IFFO2: variants seen among roughly 807,000 people sequenced by gnomAD.
IFFO2 encodes intermediate filament family orphan 2.
Under a neutral mutation model 53.5 loss-of-function variants are expected in IFFO2, and 19 were observed. The ratio of observed to expected loss-of-function variants is 0.36; its 90% CI spans 0.25 to 0.52. The LOEUF is 0.52. Among genes scored for constraint, IFFO2 ranks in the 20% least tolerant of loss-of-function variants. The probability of loss-of-function intolerance (pLI) is 0.94; values close to 1 mark genes in which losing one functional copy is unlikely to be tolerated. For missense variants in IFFO2, 570 were observed against 727.4 expected (o/e 0.78, Z 2.49); for synonymous variants, 303 against 313.6 (o/e 0.97, Z 0.36).
chr1:18,926,005 TTGGATGGATGGATGGA>T (rs1364132738), intron 1 of IFFO2, among the ~76,000 whole-genome samples: 29 of 23,560 alleles, frequency 1.2e-3, no homozygotes, highest in African/African-American at 4.5e-3. Context: ...GATGGATTGG[TTGGATGGATGGATGGA>T]TGGATGGATG....
intron 1 of IFFO2, among the ~76,000 whole-genome samples, chr1:18,932,316 C>T (rs928942212): frequency 1.9e-4 from 29 of 152,362 alleles, no homozygotes; most frequent in Admixed American, 1.0e-3. Flanking sequence ...AACCTTGTTT[C>T]TCTGGTCTGT....
intron 1 of IFFO2, among the ~76,000 whole-genome samples, chr1:18,948,745 G>A (rs898907419): frequency 3.9e-5 from 6 of 152,198 alleles, no homozygotes; most frequent in African/African-American, 1.4e-4. Flanking sequence ...CAAAGGGCAC[G>A]GGACACCCTC....
chr1:18,912,127 C>T (rs770609043), intron 5 of IFFO2, 44 bp from the exon 6 acceptor site: 18 of 1,550,300 alleles, frequency 1.2e-5, no homozygotes, highest in Non-Finnish European at 1.4e-5. Context: ...AGAAGGCAGG[C>T]TCCAGGGACC....
rs1569840073 is a variant in IFFO2, at chr1:18,919,267, G to A, written c.822+411C>T. On this transcript the variant is annotated intron_variant, in intron 3 of 8. Coordinates refer to ENST00000455833, the MANE Select transcript of IFFO2 (RefSeq NM_001136265.2). The surrounding 1 kb of genome is among the most constrained non-coding windows in gnomAD (Gnocchi z 4.9). ...ACCTCATGGAGCAACCCTGCCAAAG[G>A]CCGCTGGGCCTGCGAGTCTCTCAGG... is the stretch of plus-strand genomic sequence containing the variant. 6.6e-6 allele frequency among the ~76,000 whole-genome samples: 1 copy of A among 152,176 alleles called. No homozygotes were observed. Among genetic ancestry groups the A allele is most frequent in the Non-Finnish European group, 1.5e-5 (1 of 68,032 alleles).
chr1:18,912,087 T>C lies in IFFO2; in HGVS notation c.1104-4A>G, dbSNP rs1481116672. 2 of 1,551,470 alleles carry C rather than the reference T, an allele frequency of 1.3e-6. No homozygotes were observed. The highest frequency in any genetic ancestry group is 1.7e-6 in the Non-Finnish European group (2 of 1,146,840). ...GTCAAAGTCAAAGGTCTCCCGCCTG[T>C]GGGGGTGACACCAGAGGGCATGACT... is the stretch of plus-strand genomic sequence containing the variant. On this transcript the variant is annotated splice_polypyrimidine_tract_variant and splice_region_variant and intron_variant, in intron 5 of 8. Transcript: ENST00000455833.
At chr1:18,921,855 C>T (rs6674201) in intron 1 of IFFO2, among the ~76,000 whole-genome samples, 49,353 of 151,832 alleles carry the variant, frequency 0.33, 10,574 homozygotes, top group African/African-American at 0.61. Flanking sequence ...ATAGGAAACG[C>T]GGGCGGGAGG....
chr1:18,935,071 G>C (rs1283717989), intron 1 of IFFO2, among the ~76,000 whole-genome samples: 3 of 152,314 alleles, frequency 2.0e-5, no homozygotes, highest in Middle Eastern at 3.4e-3. Context: ...CTCTACCACA[G>C]GCTCCCAGTT....
chr1:18,941,840 C>T (rs767199512), intron 1 of IFFO2, among the ~76,000 whole-genome samples: 2 of 152,282 alleles, frequency 1.3e-5, no homozygotes, highest in East Asian at 1.9e-4. Context: ...CCCAGGGAGG[C>T]GGGGACAGGG....
chr1:18,911,690 C>T (rs568011693), intron 6 of IFFO2, among the ~76,000 whole-genome samples: 3 of 152,210 alleles, frequency 2.0e-5, no homozygotes, highest in South Asian at 4.1e-4. Context: ...AGGTGCCCAC[C>T]ACCAGGCCTG....
chr1:18,914,083 G>A (rs1028850012), intron 5 of IFFO2, among the ~76,000 whole-genome samples: 19 of 152,084 alleles, frequency 1.2e-4, no homozygotes, highest in East Asian at 3.9e-4. Flanking sequence ...CGCCTGCCTC[G>A]GCCTCCCAAA....
chr1:18,922,048 C>T (rs1482451659), intron 1 of IFFO2, among the ~76,000 whole-genome samples: 1 of 152,106 alleles, frequency 6.6e-6, no homozygotes, highest in South Asian at 2.1e-4. Context: ...ACGTAGGCAC[C>T]GTCATTATCC....
At position 18,910,434 on chromosome 1, in the gene IFFO2, G is replaced by A. The variant is rs1203131180; in HGVS notation, c.1356C>T (p.His452=). The change falls in exon 8 of 9, where the codon CAC becomes CAT. Residue 452 remains histidine (H), a synonymous_variant. Transcript: ENST00000455833. ...TGCACATCTCCATGTACTCGTGCAG[G>A]TGTCGGTTCATGTCACTTTTGGCTG... ...LATAKSDMNR[H]LHEYMEMCSM... The A allele has an allele frequency of 1.2e-6, 2 of 1,613,986 alleles. No individual in the cohort carries two copies. Among genetic ancestry groups the A allele is most frequent in the Non-Finnish European group, 8.5e-7 (1 of 1,179,934 alleles).
In IFFO2 at chr1:18,947,353, C is replaced by T. The variant is rs1488516019; in HGVS notation, c.665+8315G>A. ...CTGTGCCCTGAGGACACTCAGGGGC[C>T]GGGCAAGATAAATGGAGCATTAATT... is the stretch of plus-strand genomic sequence containing the variant. On this transcript the variant is annotated intron_variant, in intron 1 of 8. Transcript: ENST00000455833. The surrounding 1 kb of genome is among the most constrained non-coding windows in gnomAD (Gnocchi z 5.0). 2.0e-5 allele frequency among the ~76,000 whole-genome samples: 3 copies of T among 152,158 alleles called. No individual in the cohort carries two copies. The highest frequency in any genetic ancestry group is 7.2e-5 in the African/African-American group (3 of 41,430).
chr1:18,908,597 G>A lies in IFFO2; in HGVS notation c.1518C>T (p.Phe506=). 4 of 1,551,696 alleles carry A rather than the reference G, an allele frequency of 2.6e-6. No individual in the cohort carries two copies. The highest frequency in any genetic ancestry group is 1.2e-5 in the South Asian group (1 of 84,042). The change falls in exon 9 of 9, where the codon TTC becomes TTT. Residue 506 remains phenylalanine, a synonymous_variant. Transcript: ENST00000455833. ...TGGGCTCCACATCCGCCTCGCGCTC[G>A]AACTCATCCTGGATCTCATCTGTAC... ...SGSTDEIQDE[F]EREADVEPMV...
chr1:18,904,470 A>G lies in IFFO2; in HGVS notation c.*4091T>C, dbSNP rs1935916387. 6.6e-6 allele frequency: 1 copy of G among 152,126 alleles called. No homozygotes were observed. Among genetic ancestry groups the G allele is most frequent in the Non-Finnish European group, 1.5e-5 (1 of 68,022 alleles). 9.4% of individuals were successfully genotyped at this position (152,126 alleles called of 1,614,324 possible). The stretch of plus-strand genomic sequence containing the variant: ...ACAACAGCAACGGTGGGGCAGGATC[A>G]TGGGGTATAAAGTCTCCCTGGGTGG... On this transcript the variant is annotated 3_prime_UTR_variant, in exon 9 of 9. Transcript: ENST00000455833.
At chr1:18,915,557 C>T (rs1052020355) in intron 5 of IFFO2, among the ~76,000 whole-genome samples, 1 of 152,082 alleles carries the variant, frequency 6.6e-6, no homozygotes. Context: ...AGCGTACTAG[C>T]GTGGGAGGCA....
chr1:18,938,418 C>T (rs1176915918), intron 1 of IFFO2, among the ~76,000 whole-genome samples: 1 of 152,216 alleles, frequency 6.6e-6, no homozygotes, highest in South Asian at 2.1e-4. Flanking sequence ...CACCATGCTT[C>T]CCCTTAGAGG....
At chr1:18,937,757 G>A (rs1023463853) in intron 1 of IFFO2, among the ~76,000 whole-genome samples, 5 of 152,222 alleles carry the variant, frequency 3.3e-5, no homozygotes, top group African/African-American at 1.2e-4. Flanking sequence ...CCAACGGCCT[G>A]GCCCAGCCGC....
rs80242927 is a variant in IFFO2, at chr1:18,924,734, A to C, written c.666-3613T>G. On this transcript the variant is annotated intron_variant, in intron 1 of 8. Transcript: ENST00000455833. ...AGATCACTTTTGGGGCACAAAGGCC[A>C]TTTTCCTCGAGTCTCCCTCAGCAGT... Among the ~76,000 whole-genome samples, 371 of 152,252 alleles carry C rather than the reference A, an allele frequency of 2.4e-3. 2 individuals are homozygous for C. The highest frequency in any genetic ancestry group is 8.6e-3 in the African/African-American group (357 of 41,550).
Sources: allele counts gnomAD v4.1 joint callset (sites outside exome capture counted in the v4.1 genomes callset), GRCh38; gene constraint gnomAD v4.1.1; non-coding constraint Gnocchi (gnomAD v3.1); transcripts MANE v1.5; gene names NCBI Gene and HGNC (gene_info 2026-07-23, HGNC 2026-07-21).